Variants in DNAJC14 observed in about 807,000 individuals in gnomAD.
The protein encoded by DNAJC14 is DnaJ heat shock protein family (Hsp40) member C14.
Under a neutral mutation model 68.8 loss-of-function variants are expected in DNAJC14, and 12 were observed. The ratio of observed to expected loss-of-function variants is 0.17; its 90% CI spans 0.11 to 0.28. DNAJC14 has a LOEUF of 0.28. DNAJC14 is among the 10% of genes least tolerant of loss of function. The probability of loss-of-function intolerance (pLI) is 1.00; values close to 1 mark genes in which losing one functional copy is unlikely to be tolerated. For synonymous variants in DNAJC14, 350 were observed against 321.5 expected, an observed-to-expected ratio of 1.09 and a Z score of -0.95; for missense variants, 764 against 875.6, an observed-to-expected ratio of 0.87 and a Z score of 1.61.
Position 55,823,487 on chromosome 12 carries a change from G to A in DNAJC14, c.1429C>T (p.His477Tyr). 2 of 1,614,118 alleles carry A rather than the reference G, an allele frequency of 1.2e-6. No individual in the cohort carries two copies. Among genetic ancestry groups the A allele is most frequent in the East Asian group, 2.2e-5 (1 of 44,878 alleles). ...TTGAAGGCCTCCTCAGCCCGGGGAT[G>A]ATGATTTTTGTCAGGATGAACCTAC... ...AVMVHPDKNH[H>Y]PRAEEAFKVL... The change falls in exon 3 of 7, where the codon CAT becomes TAT. Residue 477 changes from histidine to tyrosine, a missense_variant. Around this residue, in one of 4 missense-constraint regions of DNAJC14, gnomAD observed 110 missense variants for 162.7 expected, o/e 0.68. Transcript: ENST00000678005.
At chr12:55,823,655 G>T in intron 2 of DNAJC14, 147 bp from the exon 3 acceptor site, 1 of 615,072 alleles carries the variant, frequency 1.6e-6, no homozygotes, top group South Asian at 2.0e-5. Flanking sequence ...TGCAGATCTG[G>T]TTCAATTCAT....
rs898854451 is a variant in DNAJC14 at position 55,822,042 on chromosome 12, T to G, written c.2044A>C (p.Thr682Pro). ...GGTTTGGCTTCTCCCTTGGGTACTG[T>G]GCTGTTGGGCTTAGAGGCTGCAGCG... ...GAAAASKPNS[T>P]VPKGEAKPKR... Residue 682 changes from threonine to proline, a missense_variant, in exon 7 of 7, where the codon ACA (threonine) becomes CCA (proline). Thr to Pro is a conservative substitution (Grantham distance 38, BLOSUM62 -1). Transcript: ENST00000678005. 1.2e-6 allele frequency: 2 copies of G among 1,613,984 alleles called. No individual in the cohort carries two copies. The highest frequency in any genetic ancestry group is 2.7e-5 in the African/African-American group (2 of 74,896).
rs1176279999 is a variant in DNAJC14 at position 55,821,272 on chromosome 12, TCTC to T, written c.*702_*704del. The T allele has an allele frequency of 6.6e-6, 1 of 151,000 alleles. No individual in the cohort carries two copies. The highest frequency in any genetic ancestry group is 1.5e-5 in the Non-Finnish European group (1 of 67,868). The allele number at this position is 151,000 out of a possible 1,614,324, so 9.4% of individuals were successfully genotyped here. A position where few individuals can be genotyped will look rare whatever the true frequency, so the allele number is the denominator to read the frequency against. On this transcript the variant is annotated 3_prime_UTR_variant, in exon 7 of 7. Transcript: ENST00000678005. ...CCAGTCTCTGAACTCTATGCGATAA[TCTC>T]CTATCATTAGGGCTACATGCTTTCT...
chr12:55,822,122 G>C lies in DNAJC14; in HGVS notation c.1964C>G (p.Pro655Arg). 6.2e-7 allele frequency: 1 copy of C among 1,610,092 alleles called. No individual in the cohort carries two copies. The highest frequency in any genetic ancestry group is 1.7e-5 in the Admixed American group (1 of 58,780). The change falls in exon 7 of 7, where the codon CCA becomes CGA. Residue 655 changes from proline (P) to arginine (R), a missense_variant. Around this residue, in one of 4 missense-constraint regions of DNAJC14, gnomAD observed 134 missense variants for 162.3 expected, o/e 0.83. Transcript: ENST00000678005. ...DFLSRIFQVPPGQMPNGNFFA... is the reference protein window; with the variant it reads ...DFLSRIFQVPRGQMPNGNFFA... ...GAAGTTCCCATTGGGCATCTGCCCTGGGGGTACTTGAAAGATCCGACTCAA... is the reference window on the plus strand; with the variant it reads ...GAAGTTCCCATTGGGCATCTGCCCTCGGGGTACTTGAAAGATCCGACTCAA...
rs762110639 is a variant in DNAJC14, at chr12:55,822,012, G to A, written c.2074C>T (p.Arg692Trp). 1.9e-6 allele frequency: 3 copies of A among 1,613,298 alleles called. No homozygotes were observed. The highest frequency in any genetic ancestry group is 1.1e-5 in the South Asian group (1 of 90,992). Residue 692 changes from arginine (R) to tryptophan (W), a missense_variant, in exon 7 of 7, where the codon CGG becomes TGG. Arg to Trp is a moderately radical substitution (Grantham distance 101, BLOSUM62 -3). Around this residue, in one of 4 missense-constraint regions of DNAJC14, gnomAD observed 134 missense variants for 162.3 expected, o/e 0.83. Transcript: ENST00000678005. ...AAGGGCCTCCTCACTTTCTTCCGCC[G>A]CTTAGGTTTGGCTTCTCCCTTGGGT... ...TVPKGEAKPK[R>W]RKKVRRPFQR
intron 2 of DNAJC14, among the ~76,000 whole-genome samples, chr12:55,826,473 C>G (rs962692523): frequency 6.6e-6 from 1 of 151,638 alleles, no homozygotes; most frequent in Non-Finnish European, 1.5e-5. Flanking sequence ...AGCCACTGCA[C>G]CTGGCCCAAA....
In DNAJC14 at chr12:55,822,112, C is replaced by T. The variant is rs749806814; in HGVS notation, c.1974G>A (p.Met658Ile). The change falls in exon 7 of 7, where the codon ATG becomes ATA. Residue 658 changes from methionine (M) to isoleucine (I), a missense_variant. Met to Ile is a conservative substitution (Grantham distance 10). Coordinates refer to ENST00000678005, the MANE Select transcript of DNAJC14 (RefSeq NM_032364.6). ...GAGCTGCAAAGAAGTTCCCATTGGG[C>T]ATCTGCCCTGGGGGTACTTGAAAGA... ...SRIFQVPPGQ[M>I]PNGNFFAAPQ... 1.7e-5 allele frequency: 28 copies of T among 1,613,328 alleles called. No homozygotes were observed. The highest frequency in any genetic ancestry group is 1.0e-4 in the Admixed American group (6 of 59,798).
rs750524489 is a variant in DNAJC14, at chr12:55,827,514, C to A, written c.1145G>T (p.Arg382Ile). 3.0e-5 allele frequency: 48 copies of A among 1,605,280 alleles called. No homozygotes were observed. In the East Asian group the frequency reaches 1.1e-3, roughly 36 times the overall value. ...PALQRCLTLL[R>I]DSRPWQRLVR... ...CAGCCGCTGCCATGGCCTGCTATCT[C>A]TCAGCAGAGTCAAGCAACGCTGCAA... The change falls in exon 2 of 7, where the codon AGA becomes ATA. Residue 382 changes from arginine to isoleucine, a missense_variant. By Grantham distance (97) the Arg-to-Ile change is moderately conservative (BLOSUM62 -3). This residue lies in a region of DNAJC14 where 514 missense variants were observed against 521.7 expected (regional missense o/e 0.99). Coordinates refer to ENST00000678005, the MANE Select transcript of DNAJC14 (RefSeq NM_032364.6).
At chr12:55,829,380 G>A in intron 1 of DNAJC14, 109 bp downstream of exon 1, 2 of 979,926 alleles carry the variant, frequency 2.0e-6, no homozygotes, top group African/African-American at 3.5e-5. Flanking sequence ...GGGAGGTGGA[G>A]GTTGCAGTGA....
rs1592592139 is a variant in DNAJC14, at chr12:55,822,199, C to T, written c.1899-12G>A. On this transcript the variant is annotated splice_polypyrimidine_tract_variant and intron_variant, in intron 6 of 6. Coordinates refer to ENST00000678005, the MANE Select transcript of DNAJC14 (RefSeq NM_032364.6). ...CATCTGGGGTGGCTCTGAGGTAAAACAGAAGAAATAAGGCAAGAGATGTTA... is the reference window on the plus strand; with the variant it reads ...CATCTGGGGTGGCTCTGAGGTAAAATAGAAGAAATAAGGCAAGAGATGTTA... The T allele has an allele frequency of 6.4e-6, 10 of 1,568,832 alleles. No individual in the cohort carries two copies. Among genetic ancestry groups the T allele is most frequent in the Non-Finnish European group, 7.8e-6 (9 of 1,160,154 alleles).
Position 55,827,869 on chromosome 12 carries a change from C to T in DNAJC14, c.790G>A (p.Glu264Lys). 6.2e-7 allele frequency: 1 copy of T among 1,613,046 alleles called. No homozygotes were observed. The highest frequency in any genetic ancestry group is 1.3e-5 in the African/African-American group (1 of 75,038). The change falls in exon 2 of 7, where the codon GAG becomes AAG. Residue 264 changes from glutamate to lysine, a missense_variant. By Grantham distance (56) the Glu-to-Lys change is moderately conservative. Transcript: ENST00000678005. Reference sequence around the variant, plus strand: ...AGATGGCCACAAGTTTCTACGTACTCTCCCACCAATACCAGCAGTTCAATC... The same window carrying T: ...AGATGGCCACAAGTTTCTACGTACTTTCCCACCAATACCAGCAGTTCAATC... ...WLIELLVLVGEYVETCGHLIY... is the reference protein window; with the variant it reads ...WLIELLVLVGKYVETCGHLIY...
intron 4 of DNAJC14, 136 bp from the exon 5 acceptor site, chr12:55,822,868 G>C (rs111254933): frequency 2.2e-6 from 3 of 1,389,000 alleles, no homozygotes; most frequent in Non-Finnish European, 1.9e-6. Context: ...TCCCTTCAAC[G>C]TTCTATCCTA....
In DNAJC14 at chr12:55,822,474, C is replaced by T. The variant is rs758193397; in HGVS notation, c.1797G>A (p.Glu599=). ...TACCTACACGCTGGCATCCAGCCCA[C>T]TCTATAAACATGAGAAATAATTAGC... ...LMDGKVYDIT[E]WAGCQRVGIS... is the part of the protein sequence containing the mutation. The change falls in exon 6 of 7, where the codon GAG becomes GAA. Residue 599 remains glutamate (E), a splice_region_variant and synonymous_variant. Transcript: ENST00000678005. 2 of 1,614,042 alleles carry T rather than the reference C, an allele frequency of 1.2e-6. No homozygotes were observed. The highest frequency in any genetic ancestry group is 1.1e-5 in the South Asian group (1 of 91,048).
chr12:55,826,821 C>G (rs138611520), intron 2 of DNAJC14, among the ~76,000 whole-genome samples: 1,902 of 149,826 alleles, frequency 0.013, 24 homozygotes, highest in Non-Finnish European at 0.021. Flanking sequence ...AAAAGAAGAA[C>G]GTTAACCTTC....
intron 2 of DNAJC14, among the ~76,000 whole-genome samples, chr12:55,825,542 C>CTT (rs11375162): frequency 0.018 from 2,168 of 121,966 alleles, 86 homozygotes; most frequent in South Asian, 0.073. Context: ...TGCACACCCT[C>CTT]TTTTTTTTTT....
Position 55,821,908 on chromosome 12 carries a change from A to T in DNAJC14, c.*69T>A. On this transcript the variant is annotated 3_prime_UTR_variant, in exon 7 of 7. Coordinates refer to ENST00000678005, the MANE Select transcript of DNAJC14 (RefSeq NM_032364.6). ...CCTAGGTGTTGGGGGAGGAGGGATA[A>T]ATCAAACTCCATCCTGTGCTACAGC... is the stretch of plus-strand genomic sequence containing the variant. The T allele has an allele frequency of 6.8e-7, 1 of 1,469,880 alleles. No homozygotes were observed. The highest frequency in any genetic ancestry group is 9.2e-7 in the Non-Finnish European group (1 of 1,088,872). The allele number at this position is 1,469,880 out of a possible 1,614,324, so 91.1% of individuals were successfully genotyped here.
At chr12:55,822,973 C>A in intron 4 of DNAJC14, 97 bp downstream of exon 4, 3 of 1,545,674 alleles carry the variant, frequency 1.9e-6, no homozygotes, top group South Asian at 1.2e-5. Context: ...TTATGAGATA[C>A]AGATGTAACT....
chr12:55,827,313 C>G lies in DNAJC14; in HGVS notation c.1346G>C (p.Gly449Ala), dbSNP rs745814837. The G allele has an allele frequency of 3.7e-6, 6 of 1,602,072 alleles. No individual in the cohort carries two copies. The highest frequency in any genetic ancestry group is 4.3e-6 in the Non-Finnish European group (5 of 1,173,726). ...AACATCTGATGCTGTGGCCTCAACC[C>G]CCAGTACATGGAAAGGGTTTAGCTC... ...EDELNPFHVL[G>A]VEATASDVEL... The change falls in exon 2 of 7, where the codon GGG (glycine) becomes GCG (alanine). Residue 449 changes from glycine (G) to alanine (A), a missense_variant. This residue lies in a region of DNAJC14 where 110 missense variants were observed against 162.7 expected (regional missense o/e 0.68). Transcript: ENST00000678005.
At chr12:55,829,684 T>G (rs1203561619), upstream of DNAJC14, 1 of 896,242 alleles carries the variant, frequency 1.1e-6, no homozygotes, top group Non-Finnish European at 1.3e-6. Context: ...AAATAGCGGT[T>G]GGCTGAGAGG....
Sources: allele counts gnomAD v4.1 joint callset (sites outside exome capture counted in the v4.1 genomes callset), GRCh38; gene constraint gnomAD v4.1.1; regional missense constraint gnomAD v4.1.1; transcripts MANE v1.5; gene names NCBI Gene and HGNC (gene_info 2026-07-23, HGNC 2026-07-21).